The following KATNBL1 variants were observed in gnomAD, a reference collection of about 807,000 sequenced individuals.
KATNBL1 encodes KATNB1-like protein 1.
KATNBL1 carries 28 observed loss-of-function variants against 44.7 expected under a neutral mutation model. That is an observed-to-expected ratio of 0.63 (90% CI 0.46 to 0.86). The LOEUF (loss-of-function observed/expected upper bound fraction) is 0.86. Ranked by LOEUF, KATNBL1 falls within the 40% of genes least tolerant of loss-of-function variation. The pLI is 0.00. For synonymous variants in KATNBL1, 78 were observed against 114.9 expected, an observed-to-expected ratio of 0.68 and a Z score of 2.06; for missense variants, 272 against 350.7, an observed-to-expected ratio of 0.78 and a Z score of 1.79.
rs535117648 is a variant in KATNBL1, at chr15:34,174,064, T to C, written c.-14-10374A>G. Among the ~76,000 whole-genome samples the C allele has an allele frequency of 5.3e-5, 8 of 152,246 alleles. 1 individual carries two copies. Among genetic ancestry groups the C allele is most frequent in the African/African-American group, 9.6e-5 (4 of 41,548 alleles). On this transcript the variant is annotated intron_variant, in intron 1 of 9. Coordinates refer to ENST00000256544, the MANE Select transcript of KATNBL1 (RefSeq NM_024713.3). ...TGAGCAAAAATATAAGAAAATGCAA[T>C]AGACTTTCATTCTTGAGTTTTCCAA...
chr15:34,193,216 C>CAAAAAAAAA (rs34216208), intron 1 of KATNBL1, among the ~76,000 whole-genome samples: 11 of 66,338 alleles, frequency 1.7e-4, no homozygotes, highest in African/African-American at 2.4e-4. Flanking sequence ...GACTCCGTCT[C>CAAAAAAAAA]AAAAAAAAAA....
chr15:34,199,149 G>C (rs970707818), intron 1 of KATNBL1, among the ~76,000 whole-genome samples: 6 of 152,168 alleles, frequency 3.9e-5, no homozygotes, highest in African/African-American at 1.2e-4. Context: ...TAAGAAAACA[G>C]ATTTACCGGC....
chr15:34,183,314 A>C (rs976555149), intron 1 of KATNBL1, among the ~76,000 whole-genome samples: 1 of 152,104 alleles, frequency 6.6e-6, no homozygotes, highest in African/African-American at 2.4e-5. Flanking sequence ...GTTAAAACTT[A>C]ATTTGCAAAG....
chr15:34,140,903 C>T lies in KATNBL1; in HGVS notation c.*1436G>A, dbSNP rs1325429210. The stretch of plus-strand genomic sequence containing the variant: ...TCTAGCTATATAAAATATAGCTACA[C>T]AAAACCAGAACTCAGTGAAACATAA... On this transcript the variant is annotated 3_prime_UTR_variant, in exon 10 of 10. Coordinates refer to ENST00000256544, the MANE Select transcript of KATNBL1 (RefSeq NM_024713.3). 1 of 152,076 alleles carries T rather than the reference C, an allele frequency of 6.6e-6. No individual in the cohort carries two copies. Among genetic ancestry groups the T allele is most frequent in the Non-Finnish European group, 1.5e-5 (1 of 67,972 alleles). 9.4% of individuals were successfully genotyped at this position (152,076 alleles called of 1,614,324 possible).
chr15:34,209,796 C>T (rs1269051288), intron 1 of KATNBL1, 155 bp downstream of exon 1: 1 of 150,828 alleles, frequency 6.6e-6, no homozygotes, highest in Non-Finnish European at 1.5e-5. Context: ...CCGCCCCGCC[C>T]CGGGACCCGG....
chr15:34,145,711 T>C, intron 8 of KATNBL1: 1 of 265,032 alleles, frequency 3.8e-6, no homozygotes, highest in Non-Finnish European at 6.6e-6. Flanking sequence ...ATTAAAGGTT[T>C]ATCCACATAA....
chr15:34,154,064 A>G (rs1888563045), intron 3 of KATNBL1, among the ~76,000 whole-genome samples: 1 of 152,218 alleles, frequency 6.6e-6, no homozygotes, highest in South Asian at 2.1e-4. Flanking sequence ...TATCTCTAAT[A>G]TCTGGTTTAA....
intron 1 of KATNBL1, among the ~76,000 whole-genome samples, chr15:34,189,947 C>G (rs377699802): frequency 1.4e-5 from 2 of 141,902 alleles, no homozygotes; most frequent in Non-Finnish European, 1.6e-5. Context: ...GAAGTACATT[C>G]TTTTTTTTTT....
chr15:34,209,077 C>T (rs1459748042), intron 1 of KATNBL1: 1 of 152,206 alleles, frequency 6.6e-6, no homozygotes, highest in Non-Finnish European at 1.5e-5. Context: ...TATGATCACA[C>T]TGGCTAATAT....
intron 1 of KATNBL1, among the ~76,000 whole-genome samples, chr15:34,203,839 A>G (rs576938488): frequency 8.0e-4 from 119 of 149,656 alleles, no homozygotes; most frequent in Non-Finnish European, 1.5e-3. Context: ...ATGAGAACAC[A>G]TGGATACAGG....
intron 9 of KATNBL1, chr15:34,145,067 C>G: frequency 9.8e-7 from 1 of 1,020,664 alleles, no homozygotes; most frequent in Non-Finnish European, 1.2e-6. Context: ...CCCTTGTTTC[C>G]TGAGTTCCTC....
At chr15:34,160,157 G>T (rs1888753387) in intron 2 of KATNBL1, among the ~76,000 whole-genome samples, 1 of 152,062 alleles carries the variant, frequency 6.6e-6, no homozygotes, top group Non-Finnish European at 1.5e-5. Flanking sequence ...TTCCACATTT[G>T]AAACATTCGT....
chr15:34,194,631 T>C (rs1246567007), intron 1 of KATNBL1, among the ~76,000 whole-genome samples: 1 of 151,652 alleles, frequency 6.6e-6, no homozygotes, highest in African/African-American at 2.4e-5. Context: ...GGAGGTGGGG[T>C]TGGGAAGGGA....
intron 1 of KATNBL1, among the ~76,000 whole-genome samples, chr15:34,200,349 T>C (rs1890147301): frequency 1.3e-5 from 2 of 152,014 alleles, no homozygotes; most frequent in African/African-American, 4.8e-5. Context: ...GCCTCCCGCA[T>C]TCAAGAGATT....
chr15:34,156,296 G>A (rs909740080), intron 2 of KATNBL1, among the ~76,000 whole-genome samples: 1 of 152,162 alleles, frequency 6.6e-6, no homozygotes, highest in Non-Finnish European at 1.5e-5. Flanking sequence ...TTGAACTTCG[G>A]GATATAGCAG....
chr15:34,153,565 T>A (rs1221520275), intron 3 of KATNBL1, among the ~76,000 whole-genome samples: 2 of 152,182 alleles, frequency 1.3e-5, no homozygotes, highest in African/African-American at 4.8e-5. Context: ...AAATAATTAA[T>A]GACTCAAAAA....
At chr15:34,202,775 G>C (rs1270542778) in intron 1 of KATNBL1, among the ~76,000 whole-genome samples, 1 of 152,150 alleles carries the variant, frequency 6.6e-6, no homozygotes, top group African/African-American at 2.4e-5. Context: ...CGGATTGCCT[G>C]AGGTCCGGAG....
chr15:34,171,338 C>T (rs944535980), intron 1 of KATNBL1, among the ~76,000 whole-genome samples: 1 of 152,174 alleles, frequency 6.6e-6, no homozygotes, highest in African/African-American at 2.4e-5. Context: ...TGAAAAAATG[C>T]TCATCATCAC....
In KATNBL1 at chr15:34,148,676, G is replaced by A; in HGVS notation, c.513C>T (p.Phe171=). Reference sequence around the variant, plus strand: ...GTTCACTTATACTTCTCTTTCTCCAGAAAGTTAAAGCTACATTCAATCTCA... The same window carrying A: ...GTTCACTTATACTTCTCTTTCTCCAAAAAGTTAAAGCTACATTCAATCTCA... ...RNMRLNVALT[F]WRKRSISELV... Residue 171 remains phenylalanine (F), a synonymous_variant, in exon 5 of 10, where the codon TTC becomes TTT. Transcript: ENST00000256544. The A allele has an allele frequency of 6.2e-7, 1 of 1,611,650 alleles. No homozygotes were observed. Among genetic ancestry groups the A allele is most frequent in the Non-Finnish European group, 8.5e-7 (1 of 1,177,858 alleles).
Sources: allele counts gnomAD v4.1 joint callset (sites outside exome capture counted in the v4.1 genomes callset), GRCh38; gene constraint gnomAD v4.1.1; transcripts MANE v1.5; gene names NCBI Gene and HGNC (gene_info 2026-07-23, HGNC 2026-07-21).